The following HOMER1 variants were observed in gnomAD, a reference collection of about 807,000 sequenced individuals.
HOMER1 encodes homer scaffold protein 1, also known as homer protein homolog 1.
Under a neutral mutation model 48.9 loss-of-function variants are expected in HOMER1, and 3 were observed. The observed-to-expected ratio is 0.06, with a 90% CI of 0.03 to 0.16. The LOEUF is 0.16. Among genes scored for constraint, HOMER1 ranks in the 10% least tolerant of loss-of-function variants. The pLI is 1.00. For missense variants in HOMER1, 247 were observed against 411.4 expected (o/e 0.60, Z 3.46); for synonymous variants, 134 against 146.4 (o/e 0.92, Z 0.61).
intron 5 of HOMER1, among the ~76,000 whole-genome samples, chr5:79,408,736 A>C (rs1264935431): frequency 6.6e-6 from 1 of 152,210 alleles, no homozygotes; most frequent in Non-Finnish European, 1.5e-5. Context: ...CCATTAAAAA[A>C]ACTGATCACA....
intron 2 of HOMER1, among the ~76,000 whole-genome samples, chr5:79,451,605 G>C (rs376182111): frequency 8.9e-6 from 1 of 112,936 alleles, no homozygotes; most frequent in East Asian, 3.1e-4. Flanking sequence ...TTGCTCTGTC[G>C]CCCAGGCTGG....
At chr5:79,456,308 A>G (rs1216439276) in intron 2 of HOMER1, among the ~76,000 whole-genome samples, 1 of 152,250 alleles carries the variant, frequency 6.6e-6, no homozygotes, top group Non-Finnish European at 1.5e-5. Context: ...CTGCCCAAAG[A>G]GAAAACACTC....
chr5:79,482,244 C>T (rs1029658487), intron 1 of HOMER1, among the ~76,000 whole-genome samples: 1 of 151,860 alleles, frequency 6.6e-6, no homozygotes, highest in African/African-American at 2.4e-5. Context: ...TAATAGAATA[C>T]AAAAATAGCA....
At chr5:79,483,248 A>C (rs1751996884) in intron 1 of HOMER1, among the ~76,000 whole-genome samples, 1 of 152,196 alleles carries the variant, frequency 6.6e-6, no homozygotes, top group South Asian at 2.1e-4. Context: ...TTCTCATTGG[A>C]AACAATGCAA....
intron 5 of HOMER1, among the ~76,000 whole-genome samples, chr5:79,432,242 C>A (rs972854277): frequency 6.6e-6 from 1 of 152,204 alleles, no homozygotes; most frequent in South Asian, 2.1e-4. Flanking sequence ...ACCTACCTCC[C>A]TTCCAATGAA....
intron 1 of HOMER1, among the ~76,000 whole-genome samples, chr5:79,463,410 T>G (rs1223303864): frequency 6.6e-6 from 1 of 152,176 alleles, no homozygotes; most frequent in Non-Finnish European, 1.5e-5. Flanking sequence ...AAACCCTTAG[T>G]GCTGTGAGGG....
intron 1 of HOMER1, among the ~76,000 whole-genome samples, chr5:79,471,773 C>G (rs1580006081): frequency 6.6e-6 from 1 of 152,126 alleles, no homozygotes; most frequent in African/African-American, 2.4e-5. Flanking sequence ...TTCATTTGTC[C>G]CTTGCCCTCT....
chr5:79,490,814 A>G (rs1752250682), intron 1 of HOMER1, among the ~76,000 whole-genome samples: 1 of 150,764 alleles, frequency 6.6e-6, no homozygotes, highest in African/African-American at 2.4e-5. Flanking sequence ...TTAGCCAGGC[A>G]TGGTGACACA....
intron 2 of HOMER1, among the ~76,000 whole-genome samples, chr5:79,456,411 T>C (rs1485880476): frequency 6.6e-6 from 1 of 152,218 alleles, no homozygotes; most frequent in African/African-American, 2.4e-5. Flanking sequence ...TTTGTCCTTA[T>C]ACTTCTCTTG....
At chr5:79,470,630 T>A (rs910774526) in intron 1 of HOMER1, among the ~76,000 whole-genome samples, 1 of 152,166 alleles carries the variant, frequency 6.6e-6, no homozygotes, top group Non-Finnish European at 1.5e-5. Flanking sequence ...CCATGAGTTG[T>A]CTTTTTTTAC....
chr5:79,477,188 T>TAG (rs1464877792), intron 1 of HOMER1, among the ~76,000 whole-genome samples: 1 of 152,236 alleles, frequency 6.6e-6, no homozygotes, highest in Non-Finnish European at 1.5e-5. Flanking sequence ...CATAGCATCA[T>TAG]AGCAGTCTAG....
chr5:79,450,861 TCACTA>T, intron 3 of HOMER1, 124 bp downstream of exon 3: 1 of 829,534 alleles, frequency 1.2e-6, no homozygotes, highest in Admixed American at 2.9e-5. Context: ...TGCTCTGAAG[TCACTA>T]CTGCTGTTTC....
At chr5:79,487,152 G>A (rs757962411) in intron 1 of HOMER1, among the ~76,000 whole-genome samples, 4 of 152,100 alleles carry the variant, frequency 2.6e-5, no homozygotes, top group Admixed American at 6.6e-5. Flanking sequence ...GGTGGCGCAC[G>A]CCTGTAGTCC....
intron 5 of HOMER1, among the ~76,000 whole-genome samples, chr5:79,436,132 C>A (rs1006808538): frequency 3.4e-5 from 5 of 144,956 alleles, no homozygotes; most frequent in Admixed American, 6.8e-5. Context: ...GACTCCGTCT[C>A]AAAAAAAATA....
chr5:79,429,480 G>C (rs1283622618), intron 5 of HOMER1, among the ~76,000 whole-genome samples: 1 of 152,124 alleles, frequency 6.6e-6, no homozygotes, highest in Non-Finnish European at 1.5e-5. Flanking sequence ...TTTGACAAGG[G>C]TGCCAAGGTT....
chr5:79,472,835 C>T (rs1327197524), intron 1 of HOMER1, among the ~76,000 whole-genome samples: 1 of 152,032 alleles, frequency 6.6e-6, no homozygotes, highest in Non-Finnish European at 1.5e-5. Context: ...ATTAGATTCA[C>T]CTAGCAAACA....
chr5:79,468,897 C>T (rs1399260087), intron 1 of HOMER1, among the ~76,000 whole-genome samples: 2 of 152,170 alleles, frequency 1.3e-5, no homozygotes, highest in African/African-American at 4.8e-5. Flanking sequence ...TTTGCATATG[C>T]CTGATCACTA....
intron 1 of HOMER1, among the ~76,000 whole-genome samples, chr5:79,495,525 A>G (rs1270963472): frequency 6.6e-6 from 1 of 152,200 alleles, no homozygotes; most frequent in Non-Finnish European, 1.5e-5. Flanking sequence ...TTTTGTTTAC[A>G]TGGCTATCTA....
At chr5:79,473,488 T>C (rs181706763) in intron 1 of HOMER1, among the ~76,000 whole-genome samples, 10 of 152,328 alleles carry the variant, frequency 6.6e-5, no homozygotes, top group Admixed American at 5.9e-4. Flanking sequence ...AAATGGATTA[T>C]ATTAATATTA....
Sources: gnomAD v4.1 joint callset for allele counts (sites outside exome capture counted in the v4.1 genomes callset) on GRCh38, gnomAD v4.1.1 for gene constraint, MANE v1.5 for transcripts, NCBI Gene and HGNC (gene_info 2026-07-23, HGNC 2026-07-21) for gene names.